The following EDN3 variants were observed in gnomAD, a reference collection of about 807,000 sequenced individuals.
EDN3 encodes endothelin-3.
A neutral mutation model predicts 21.4 loss-of-function variants in EDN3; 9 were observed. That is an observed-to-expected ratio of 0.42 (90% confidence interval 0.25 to 0.73). EDN3 has a LOEUF of 0.73. Ranked by LOEUF, EDN3 falls within the 30% of genes least tolerant of loss-of-function variation. EDN3 has a pLI of 0.26. For missense variants in EDN3, 327 were observed against 309.4 expected, an observed-to-expected ratio of 1.06 and a Z score of -0.43; for synonymous variants, 133 against 126.2, an observed-to-expected ratio of 1.05 and a Z score of -0.36.
Position 59,324,520 on chromosome 20 carries a change from A to G in EDN3, c.*61A>G. On this transcript the variant is annotated 3_prime_UTR_variant, in exon 5 of 5. Coordinates refer to ENST00000337938, the MANE Select transcript of EDN3 (RefSeq NM_207034.3). Reference sequence around the variant, plus strand: ...TTCTGTCATTGCTCACACACAGTTCAGATTTCCACCTCTTTATAGACAAGA... The same window carrying G: ...TTCTGTCATTGCTCACACACAGTTCGGATTTCCACCTCTTTATAGACAAGA... 1 of 1,611,504 alleles carries G rather than the reference A, an allele frequency of 6.2e-7. No individual in the cohort carries two copies. The highest frequency in any genetic ancestry group is 8.5e-7 in the Non-Finnish European group (1 of 1,178,210).
intron 2 of EDN3, among the ~76,000 whole-genome samples, chr20:59,309,073 C>T (rs752301069): frequency 6.6e-6 from 1 of 152,196 alleles, no homozygotes; most frequent in African/African-American, 2.4e-5. Flanking sequence ...TTCAGTCCCG[C>T]CCTTCCAGCC....
rs1421722806 is a variant in EDN3, at chr20:59,325,065, A to C, written c.*606A>C. ...ATCTCGAAAGAATGAAGGAAGAAGA[A>C]AAAAGGATCCTTGATGTTTGTGACA... On this transcript the variant is annotated 3_prime_UTR_variant, in exon 5 of 5. Coordinates refer to ENST00000337938, the MANE Select transcript of EDN3 (RefSeq NM_207034.3). The C allele has an allele frequency of 3.1e-5, 5 of 159,644 alleles. No individual in the cohort carries two copies. Among genetic ancestry groups the C allele is most frequent in the African/African-American group, 4.8e-5 (2 of 41,508 alleles). The allele number at this position is 159,644 out of a possible 1,614,324, so 9.9% of individuals were successfully genotyped here.
chr20:59,318,975 A>G (rs1352816024), intron 2 of EDN3, among the ~76,000 whole-genome samples: 1 of 152,238 alleles, frequency 6.6e-6, no homozygotes, highest in African/African-American at 2.4e-5. Flanking sequence ...TGTTACTGGA[A>G]AAATACACCT....
intron 2 of EDN3, among the ~76,000 whole-genome samples, chr20:59,310,746 T>C (rs1045862999): frequency 1.3e-5 from 2 of 152,172 alleles, no homozygotes; most frequent in African/African-American, 4.8e-5. Context: ...TTCATATGCA[T>C]TGATGACAAA....
At chr20:59,318,103 G>A (rs1003251057) in intron 2 of EDN3, among the ~76,000 whole-genome samples, 4 of 152,182 alleles carry the variant, frequency 2.6e-5, no homozygotes, top group African/African-American at 7.2e-5. Context: ...CCCTACTCAC[G>A]CATCCCCAAG....
rs562539669 is a variant in EDN3 at position 59,318,121 on chromosome 20, C to A, written c.366-2896C>A. Reference sequence around the variant, plus strand: ...TACTCACGCATCCCCAAGACCACTTCCAGGGCCTGACACTTGGGGATGAGC... The same window carrying A: ...TACTCACGCATCCCCAAGACCACTTACAGGGCCTGACACTTGGGGATGAGC... On this transcript the variant is annotated intron_variant, in intron 2 of 4. Transcript: ENST00000337938. Among the ~76,000 whole-genome samples, 17 of 152,360 alleles carry A rather than the reference C, an allele frequency of 1.1e-4. No individual in the cohort carries two copies. The East Asian group carries it at 3.3e-3, about 29-fold the overall frequency.
At chr20:59,315,137 G>A (rs1990093369) in intron 2 of EDN3, among the ~76,000 whole-genome samples, 1 of 152,238 alleles carries the variant, frequency 6.6e-6, no homozygotes, top group African/African-American at 2.4e-5. Context: ...TTCTAAGCTT[G>A]GGAGAGTTGA....
At chr20:59,311,380 C>T (rs1170397365) in intron 2 of EDN3, among the ~76,000 whole-genome samples, 2 of 152,148 alleles carry the variant, frequency 1.3e-5, no homozygotes. Flanking sequence ...CTCCATAGAG[C>T]AGTGGTATGG....
At chr20:59,304,840 C>G (rs549150369) in intron 2 of EDN3, among the ~76,000 whole-genome samples, 1 of 152,158 alleles carries the variant, frequency 6.6e-6, no homozygotes, top group Non-Finnish European at 1.5e-5. Context: ...CTTCCAGACC[C>G]GAGCTTGGTC....
chr20:59,322,566 CA>C lies in EDN3; in HGVS notation c.588+151del, dbSNP rs1990617419. ...TCTCATGGGATGCTGCACCCACAAGCAATGGTGCCTTTGGTGGACCGTTTCT... is the reference window on the plus strand; with the variant it reads ...TCTCATGGGATGCTGCACCCACAAGCATGGTGCCTTTGGTGGACCGTTTCT... On this transcript the variant is annotated intron_variant, in intron 4 of 4. Coordinates refer to ENST00000337938, the MANE Select transcript of EDN3 (RefSeq NM_207034.3). The surrounding 1 kb of genome is among the most constrained non-coding windows in gnomAD (Gnocchi z 4.1). 2 of 1,076,382 alleles carry C rather than the reference CA, an allele frequency of 1.9e-6. No individual in the cohort carries two copies. The highest frequency in any genetic ancestry group is 2.8e-6 in the Non-Finnish European group (2 of 711,576). 66.7% of individuals were successfully genotyped at this position (1,076,382 alleles called of 1,614,324 possible).
intron 2 of EDN3, among the ~76,000 whole-genome samples, chr20:59,306,595 T>TAAAAAAAAAAA (rs57144708): frequency 0.011 from 656 of 62,206 alleles, 16 homozygotes; most frequent in East Asian, 0.024. Flanking sequence ...GCATAAAGAG[T>TAAAAAAAAAAA]AAAAAAAAAA....
chr20:59,315,904 A>G (rs1319643255), intron 2 of EDN3, among the ~76,000 whole-genome samples: 1 of 152,184 alleles, frequency 6.6e-6, no homozygotes, highest in Non-Finnish European at 1.5e-5. Context: ...TCCGGATTTA[A>G]CAAAAAACAC....
Position 59,301,717 on chromosome 20 carries a change from T to A in EDN3, c.360T>A (p.Thr120=). ...YCHLDIIWIN[T]PEQTVPYGLS... is the part of the protein sequence containing the mutation. ...ACCTGGACATCATTTGGATCAACAC[T>A]CCCGAGTAAGTCAGCCTTTTGTGGT... is the stretch of plus-strand genomic sequence containing the variant. Residue 120 remains threonine (T), a synonymous_variant, in exon 2 of 5, where the codon ACT becomes ACA. Transcript: ENST00000337938. 1 of 1,614,058 alleles carries A rather than the reference T, an allele frequency of 6.2e-7. No homozygotes were observed. Among genetic ancestry groups the A allele is most frequent in the South Asian group, 1.1e-5 (1 of 91,072 alleles).
chr20:59,310,511 A>G (rs2146843951), intron 2 of EDN3, among the ~76,000 whole-genome samples: 1 of 152,290 alleles, frequency 6.6e-6, no homozygotes, highest in Non-Finnish European at 1.5e-5. Flanking sequence ...AGGATGAGGC[A>G]TCAGCTCTCT....
At position 59,318,489 on chromosome 20, in the gene EDN3, G is replaced by A. The variant is rs147271792; in HGVS notation, c.366-2528G>A. Reference sequence around the variant, plus strand: ...GCCCTGTGGGAGGTGGGCCTCCATCGCGAACTCTCATTCCAGACTCTACAA... The same window carrying A: ...GCCCTGTGGGAGGTGGGCCTCCATCACGAACTCTCATTCCAGACTCTACAA... On this transcript the variant is annotated intron_variant, in intron 2 of 4. Coordinates refer to ENST00000337938, the MANE Select transcript of EDN3 (RefSeq NM_207034.3). Among the ~76,000 whole-genome samples, 133 of 152,332 alleles carry A rather than the reference G, an allele frequency of 8.7e-4. 2 individuals are homozygous for A. Among genetic ancestry groups the A allele is most frequent in the Admixed American group, 1.3e-3 (20 of 15,302 alleles).
At chr20:59,308,822 A>G (rs1371705946) in intron 2 of EDN3, among the ~76,000 whole-genome samples, 2 of 152,162 alleles carry the variant, frequency 1.3e-5, no homozygotes, top group African/African-American at 4.8e-5. Flanking sequence ...CTGGCTGGTG[A>G]GTAGAAAGTC....
At position 59,324,396 on chromosome 20, in the gene EDN3, C is replaced by G. The variant is rs1482144958; in HGVS notation, c.654C>G (p.Gly218=). Residue 218 remains glycine, a synonymous_variant, in exon 5 of 5, where the codon GGC becomes GGG. Coordinates refer to ENST00000337938, the MANE Select transcript of EDN3 (RefSeq NM_207034.3). ...LDLHHPKLMP[G]SGLALAPSTC... ...TCCACCATCCAAAGCTCATGCCCGG[C>G]AGTGGACTCGCCCTCGCTCCATCTA... 6.2e-7 allele frequency: 1 copy of G among 1,614,166 alleles called. No individual in the cohort carries two copies. The highest frequency in any genetic ancestry group is 1.1e-5 in the South Asian group (1 of 91,078).
At chr20:59,323,644 G>A (rs2146887792) in intron 4 of EDN3, 3 of 399,974 alleles carry the variant, frequency 7.5e-6, no homozygotes, top group Admixed American at 4.3e-5. Context: ...TGGGGTTGAC[G>A]TGGCCTCATC....
intron 2 of EDN3, among the ~76,000 whole-genome samples, chr20:59,307,214 G>A (rs776877328): frequency 3.9e-5 from 6 of 152,206 alleles, no homozygotes; most frequent in African/African-American, 7.2e-5. Flanking sequence ...GTGGCCATAT[G>A]AGGCAGAGGG....
Sources: gnomAD v4.1 joint callset for allele counts (sites outside exome capture counted in the v4.1 genomes callset) on GRCh38, gnomAD v4.1.1 for gene constraint, Gnocchi (gnomAD v3.1) non-coding constraint, MANE v1.5 for transcripts, NCBI Gene and HGNC (gene_info 2026-07-23, HGNC 2026-07-21) for gene names.